The following PTPRD variants were observed in gnomAD, a reference collection of about 807,000 sequenced individuals.
The protein encoded by PTPRD is receptor-type tyrosine-protein phosphatase delta.
A neutral mutation model predicts 214.5 loss-of-function variants in PTPRD; 34 were observed. That is an observed-to-expected ratio of 0.16 (90% CI 0.12 to 0.21). The LOEUF is 0.21. Ranked by LOEUF, PTPRD falls within the 10% of genes least tolerant of loss-of-function variation. PTPRD has a pLI of 1.00. For missense variants in PTPRD, 2,545 were observed against 2,398.7 expected (o/e 1.06, Z -1.27); for synonymous variants, 1,128 against 845.7 (o/e 1.33, Z -5.79).
intron 6 of PTPRD, among the ~76,000 whole-genome samples, chr9:9,760,517 C>T (rs915510267): frequency 6.6e-6 from 1 of 150,956 alleles, no homozygotes; most frequent in Non-Finnish European, 1.5e-5. Context: ...CTCAGGACTT[C>T]GGACTTATAT....
At chr9:9,266,048 A>G (rs187305240) in intron 9 of PTPRD, among the ~76,000 whole-genome samples, 182 of 151,670 alleles carry the variant, frequency 1.2e-3, no homozygotes, top group African/African-American at 3.8e-3. Context: ...AAGATATTGT[A>G]TGCAAATAAA....
chr9:8,503,889 C>A (rs1010244877), intron 23 of PTPRD, among the ~76,000 whole-genome samples: 2 of 152,100 alleles, frequency 1.3e-5, no homozygotes, highest in Non-Finnish European at 2.9e-5. Flanking sequence ...TCTTTTGCAG[C>A]CTCTTTCATT....
rs541052694 is a variant in PTPRD, at chr9:10,120,906, AAG to A, written c.-544-87118_-544-87117del. ...ATAATTTCAATAGGTTCAAAAAGAAAAGAAAAAATAGACAAAGCTCACGTAGA... is the reference window on the plus strand; with the variant it reads ...ATAATTTCAATAGGTTCAAAAAGAAAAAAAAATAGACAAAGCTCACGTAGA... On this transcript the variant is annotated intron_variant, in intron 3 of 45. Transcript: ENST00000381196. Among the ~76,000 whole-genome samples the A allele has an allele frequency of 8.1e-3, 1,228 of 152,202 alleles. 26 individuals carry two copies. The highest frequency in any genetic ancestry group is 0.028 in the African/African-American group (1,168 of 41,542).
chr9:9,279,181 T>C (rs945906918), intron 9 of PTPRD, among the ~76,000 whole-genome samples: 6 of 150,878 alleles, frequency 4.0e-5, no homozygotes, highest in South Asian at 2.1e-4. Context: ...TAATTTTGTA[T>C]GTATATATGT....
chr9:10,172,952 G>T (rs1213449469), intron 3 of PTPRD, among the ~76,000 whole-genome samples: 1 of 150,374 alleles, frequency 6.7e-6, no homozygotes, highest in African/African-American at 2.4e-5. Flanking sequence ...AACTAATAGT[G>T]AAAAGGACAA....
intron 12 of PTPRD, among the ~76,000 whole-genome samples, chr9:8,638,150 CTT>C (rs1370331192): frequency 7.8e-6 from 1 of 129,022 alleles, no homozygotes; most frequent in Non-Finnish European, 1.6e-5. Context: ...CAGATTTTCT[CTT>C]CTCTCCTACT....
At chr9:10,015,199 T>A (rs1394224204) in intron 4 of PTPRD, among the ~76,000 whole-genome samples, 1 of 152,152 alleles carries the variant, frequency 6.6e-6, no homozygotes, top group Non-Finnish European at 1.5e-5. Flanking sequence ...AACTCAGAAT[T>A]GACCTTTTCA....
chr9:10,480,860 T>C (rs1175688606), intron 2 of PTPRD, among the ~76,000 whole-genome samples: 4 of 152,266 alleles, frequency 2.6e-5, no homozygotes, highest in South Asian at 4.1e-4. Context: ...ATTTAAATGC[T>C]AGGGAAATTA....
At chr9:9,612,219 T>TA (rs548108581) in intron 7 of PTPRD, among the ~76,000 whole-genome samples, 21 of 151,862 alleles carry the variant, frequency 1.4e-4, no homozygotes, top group Non-Finnish European at 2.4e-4. Context: ...GTAGGGGGAA[T>TA]AAAAAAAACA....
chr9:9,241,910 T>C (rs2131001859), intron 9 of PTPRD, among the ~76,000 whole-genome samples: 1 of 152,196 alleles, frequency 6.6e-6, no homozygotes, highest in Middle Eastern at 3.4e-3. Context: ...GTTATTTTGC[T>C]CGTTAGTTGA....
intron 33 of PTPRD, among the ~76,000 whole-genome samples, chr9:8,452,262 A>G (rs2095989097): frequency 6.6e-6 from 1 of 152,224 alleles, no homozygotes; most frequent in African/African-American, 2.4e-5. Flanking sequence ...TGATCACAAC[A>G]TGGATAATTC....
At chr9:10,203,954 A>C (rs1397511397) in intron 3 of PTPRD, among the ~76,000 whole-genome samples, 1 of 152,144 alleles carries the variant, frequency 6.6e-6, no homozygotes, top group Non-Finnish European at 1.5e-5. Flanking sequence ...CCCTGCCTCA[A>C]TTTTGTTAGG....
chr9:10,072,586 T>G (rs1314287119), intron 3 of PTPRD, among the ~76,000 whole-genome samples: 1 of 152,098 alleles, frequency 6.6e-6, no homozygotes, highest in Non-Finnish European at 1.5e-5. Context: ...ATTTGTCCCC[T>G]CCCATGTTCC....
intron 11 of PTPRD, among the ~76,000 whole-genome samples, chr9:8,769,978 A>T (rs2095072595): frequency 1.3e-5 from 2 of 152,144 alleles, no homozygotes; most frequent in South Asian, 4.1e-4. Context: ...TATGAGTGAA[A>T]ACTGTCTGAT....
intron 7 of PTPRD, among the ~76,000 whole-genome samples, chr9:9,649,546 G>C (rs2096280564): frequency 6.6e-6 from 1 of 152,066 alleles, no homozygotes. Context: ...ATTATAAAAA[G>C]AAATAAAAGG....
At chr9:9,555,927 C>G (rs899167830) in intron 8 of PTPRD, among the ~76,000 whole-genome samples, 1 of 152,002 alleles carries the variant, frequency 6.6e-6, no homozygotes, top group African/African-American at 2.4e-5. Flanking sequence ...TAAAATAGAA[C>G]CTTTGCTTCC....
chr9:10,430,850 G>T (rs1005138912), intron 2 of PTPRD, among the ~76,000 whole-genome samples: 1 of 151,926 alleles, frequency 6.6e-6, no homozygotes, highest in Non-Finnish European at 1.5e-5. Context: ...TATCCCTGAT[G>T]TTAATCAGAA....
intron 12 of PTPRD, among the ~76,000 whole-genome samples, chr9:8,677,379 T>C (rs1045985218): frequency 5.3e-5 from 8 of 152,116 alleles, no homozygotes; most frequent in Admixed American, 3.3e-4. Flanking sequence ...GTAACACAGA[T>C]GGAGTGGGAG....
At position 10,067,153 on chromosome 9, in the gene PTPRD, T is replaced by C. The variant is rs192706795; in HGVS notation, c.-544-33363A>G. Among the ~76,000 whole-genome samples the C allele has an allele frequency of 4.6e-5, 7 of 152,018 alleles. No individual in the cohort carries two copies. The East Asian group carries it at 5.8e-4, about 13-fold the overall frequency. Reference sequence around the variant, plus strand: ...TTGCAGTGCTTGGCATTGTGAATCATATAAAACAAAATAATCAAAATCCTA... The same window carrying C: ...TTGCAGTGCTTGGCATTGTGAATCACATAAAACAAAATAATCAAAATCCTA... On this transcript the variant is annotated intron_variant, in intron 3 of 45. Coordinates refer to ENST00000381196, the MANE Select transcript of PTPRD (RefSeq NM_002839.4).
Sources: gnomAD v4.1 joint callset for allele counts (sites outside exome capture counted in the v4.1 genomes callset) on GRCh38, gnomAD v4.1.1 for gene constraint, MANE v1.5 for transcripts, NCBI Gene and HGNC (gene_info 2026-07-23, HGNC 2026-07-21) for gene names.